The following DNAH7 variants were observed in gnomAD, a reference collection of about 807,000 sequenced individuals.
The protein encoded by DNAH7 is axonemal beta dynein heavy chain 7.
A neutral mutation model predicts 444.6 loss-of-function variants in DNAH7; 397 were observed. That is an observed-to-expected ratio of 0.89 (90% CI 0.82 to 0.97). The LOEUF is 0.97. Ranked by LOEUF, DNAH7 falls within the 50% of genes least tolerant of loss-of-function variation. The pLI is 0.00. For missense variants in DNAH7, 4,902 were observed against 4,800.8 expected, an observed-to-expected ratio of 1.02 and a Z score of -0.62; for synonymous variants, 1,636 against 1,624.4, an observed-to-expected ratio of 1.01 and a Z score of -0.17.
chr2:195,907,973 G>A (rs547511420), intron 25 of DNAH7, among the ~76,000 whole-genome samples: 20 of 151,982 alleles, frequency 1.3e-4, no homozygotes, highest in African/African-American at 4.8e-4. Flanking sequence ...TGAGATTCTT[G>A]ATAATAAAAA....
At chr2:195,874,800 AAC>A (rs1467689912) in intron 38 of DNAH7, among the ~76,000 whole-genome samples, 1 of 152,124 alleles carries the variant, frequency 6.6e-6, no homozygotes, top group African/African-American at 2.4e-5. Context: ...CCACCTAAGC[AAC>A]AGAGTGAGAC....
intron 17 of DNAH7, among the ~76,000 whole-genome samples, chr2:195,967,102 T>C (rs1053302375): frequency 1.4e-4 from 22 of 152,254 alleles, no homozygotes; most frequent in African/African-American, 4.8e-4. Flanking sequence ...TTCTTACTTT[T>C]CATTTTTTGT....
intron 29 of DNAH7, among the ~76,000 whole-genome samples, chr2:195,896,877 G>A (rs1374663583): frequency 2.0e-5 from 3 of 152,076 alleles, no homozygotes; most frequent in African/African-American, 7.2e-5. Flanking sequence ...TAATGACACT[G>A]GACAATACTA....
intron 10 of DNAH7, among the ~76,000 whole-genome samples, chr2:196,007,293 T>C (rs545420735): frequency 6.6e-6 from 1 of 152,194 alleles, no homozygotes; most frequent in East Asian, 1.9e-4. Context: ...GGTCAAATGA[T>C]TTTCAGCAAA....
At chr2:195,945,095 A>G (rs1478621595) in intron 19 of DNAH7, among the ~76,000 whole-genome samples, 1 of 151,976 alleles carries the variant, frequency 6.6e-6, no homozygotes, top group Admixed American at 6.6e-5. Flanking sequence ...GGTCATAAAC[A>G]ATCCTAGATC....
intron 8 of DNAH7, among the ~76,000 whole-genome samples, chr2:196,023,089 T>C (rs1418002452): frequency 6.6e-6 from 1 of 151,816 alleles, no homozygotes; most frequent in African/African-American, 2.4e-5. Context: ...TGTTGGGAGG[T>C]AACTGGATCA....
At chr2:196,047,642 T>TA (rs1451486216) in intron 4 of DNAH7, 143 bp from the exon 5 acceptor site, 2 of 607,468 alleles carry the variant, frequency 3.3e-6, no homozygotes, top group African/African-American at 3.9e-5. Context: ...TTTTTTTTTT[T>TA]ACTATCAGGA....
chr2:195,977,030 T>C (rs1692259868), intron 15 of DNAH7, among the ~76,000 whole-genome samples: 1 of 151,932 alleles, frequency 6.6e-6, no homozygotes, highest in Admixed American at 6.5e-5. Context: ...GAAGGAAGGG[T>C]ACAAACAAGC....
chr2:196,016,946 C>T (rs571163235), intron 9 of DNAH7, among the ~76,000 whole-genome samples: 83 of 152,152 alleles, frequency 5.5e-4, no homozygotes, highest in Middle Eastern at 6.8e-3. Flanking sequence ...AATATATACA[C>T]GAGATTGAAT....
chr2:196,042,367 A>T (rs1696824590), intron 5 of DNAH7, among the ~76,000 whole-genome samples: 1 of 152,050 alleles, frequency 6.6e-6, no homozygotes, highest in Admixed American at 6.6e-5. Flanking sequence ...TTGAAATATT[A>T]CATGTATCCC....
intron 54 of DNAH7, 96 bp downstream of exon 54, chr2:195,806,644 C>T: frequency 1.0e-6 from 1 of 963,210 alleles, no homozygotes; most frequent in Non-Finnish European, 1.5e-6. Flanking sequence ...GGCTCCTCTA[C>T]CTCCCCCATG....
intron 24 of DNAH7, among the ~76,000 whole-genome samples, chr2:195,915,245 G>A (rs1038224653): frequency 6.6e-6 from 1 of 152,144 alleles, no homozygotes; most frequent in Non-Finnish European, 1.5e-5. Context: ...CGTAATGTAG[G>A]GAATGTCAGA....
At chr2:195,900,670 G>A (rs1010438215) in intron 27 of DNAH7, 176 bp from the exon 28 acceptor site, 4 of 568,980 alleles carry the variant, frequency 7.0e-6, no homozygotes, top group African/African-American at 5.6e-5. Context: ...GGGCAATGGG[G>A]AGAGGCTGGT....
chr2:195,978,159 A>C (rs1692326875), intron 15 of DNAH7, among the ~76,000 whole-genome samples: 1 of 151,110 alleles, frequency 6.6e-6, no homozygotes, highest in Non-Finnish European at 1.5e-5. Flanking sequence ...AGAAAGGCAG[A>C]AAGATGAACT....
At chr2:195,941,451 C>CAAAAA (rs1207029040) in intron 19 of DNAH7, among the ~76,000 whole-genome samples, 4,290 of 56,456 alleles carry the variant, frequency 0.076, 145 homozygotes, top group African/African-American at 0.14. Flanking sequence ...ACCTAGATGA[C>CAAAAA]AAAAAAAAAA....
chr2:196,014,606 C>G (rs1333921982), intron 9 of DNAH7, among the ~76,000 whole-genome samples: 1 of 152,150 alleles, frequency 6.6e-6, no homozygotes, highest in Non-Finnish European at 1.5e-5. Flanking sequence ...GGAGGAATTT[C>G]AACAGTCCTG....
In DNAH7 at chr2:195,923,790, C is replaced by G. The variant is rs368984776; in HGVS notation, c.3630G>C (p.Leu1210Phe). The change falls in exon 23 of 65, where the codon TTG becomes TTC. Residue 1210 changes from leucine to phenylalanine, a missense_variant. Physicochemically the swap from Leu to Phe is conservative, Grantham distance 22. Coordinates refer to ENST00000312428, the MANE Select transcript of DNAH7 (RefSeq NM_018897.3). ...CATCAATTTGTCTGTTACATGTTTT[C>G]AAGTATTGCTCAAGAGCCTGAAAGA... ...PMGIKALEQY[L>F]KTCNRQIDDI... is the part of the protein sequence containing the mutation. The G allele has an allele frequency of 6.2e-6, 10 of 1,613,906 alleles. No homozygotes were observed. In the African/African-American group the frequency reaches 1.3e-4, roughly 22 times the overall value.
rs147935143 is a variant in DNAH7 at position 195,823,227 on chromosome 2, G to A, written c.9291+1028C>T. On this transcript the variant is annotated intron_variant, in intron 49 of 64. Coordinates refer to ENST00000312428, the MANE Select transcript of DNAH7 (RefSeq NM_018897.3). ...AAGAATTTCCATGTTTTAACATTCTGTTTTTAAAATTAAGTTCAAGGGTCA... is the reference window on the plus strand; with the variant it reads ...AAGAATTTCCATGTTTTAACATTCTATTTTTAAAATTAAGTTCAAGGGTCA... 1.4e-3 allele frequency among the ~76,000 whole-genome samples: 206 copies of A among 152,242 alleles called. 1 individual carries two copies. The highest frequency in any genetic ancestry group is 4.8e-3 in the African/African-American group (199 of 41,550).
rs140480578 is a variant in DNAH7, at chr2:196,031,582, C to G, written c.399-3535G>C. On this transcript the variant is annotated intron_variant, in intron 5 of 64. Transcript: ENST00000312428. ...TGAATGCCTTTAACAGCACCCAAGT[C>G]ACCTCTTGAATGCTTTGCTGCCTAG... 8.5e-5 allele frequency among the ~76,000 whole-genome samples: 13 copies of G among 152,294 alleles called. 1 individual carries two copies. Among genetic ancestry groups the G allele is most frequent in the African/African-American group, 3.1e-4 (13 of 41,564 alleles).
Sources: gnomAD v4.1 joint callset for allele counts (sites outside exome capture counted in the v4.1 genomes callset) on GRCh38, gnomAD v4.1.1 for gene constraint, MANE v1.5 for transcripts, NCBI Gene and HGNC (gene_info 2026-07-23, HGNC 2026-07-21) for gene names.